The following MND1 variants were observed in gnomAD, a reference collection of about 807,000 sequenced individuals.
MND1 encodes the protein meiotic nuclear division protein 1 homolog.
MND1 carries 28 observed loss-of-function variants against 35.1 expected under a neutral mutation model. The observed-to-expected ratio is 0.80, with a 90% confidence interval of 0.59 to 1.09. The LOEUF (loss-of-function observed/expected upper bound fraction) is 1.09, where lower values mean the gene tolerates loss of function less well. Among genes scored for constraint, MND1 ranks in the 50% least tolerant of loss-of-function variants. MND1 has a pLI of 0.00. For missense variants in MND1, 213 were observed against 239.6 expected, an observed-to-expected ratio of 0.89 and a Z score of 0.73; for synonymous variants, 69 against 70.5, an observed-to-expected ratio of 0.98 and a Z score of 0.11.
In MND1 at chr4:153,377,835, T is replaced by C. The variant is rs954787658; in HGVS notation, c.277-16427T>C. Among the ~76,000 whole-genome samples, 6 of 152,328 alleles carry C rather than the reference T, an allele frequency of 3.9e-5. No individual in the cohort carries two copies. The South Asian group carries it at 8.3e-4, about 21-fold the overall frequency. On this transcript the variant is annotated intron_variant, in intron 4 of 7. Coordinates refer to ENST00000240488, the MANE Select transcript of MND1 (RefSeq NM_032117.4). Reference sequence around the variant, plus strand: ...CATGCTGTGCCTGGCTTTTTTCTTTTTCTTTATCTATAATGGACCAATTAT... The same window carrying C: ...CATGCTGTGCCTGGCTTTTTTCTTTCTCTTTATCTATAATGGACCAATTAT...
intron 4 of MND1, among the ~76,000 whole-genome samples, chr4:153,368,592 G>C (rs1217318340): frequency 1.3e-5 from 2 of 152,120 alleles, no homozygotes; most frequent in African/African-American, 4.8e-5. Context: ...TCTTTTCTGT[G>C]ATATGCATTA....
intron 4 of MND1, among the ~76,000 whole-genome samples, chr4:153,360,991 C>T (rs1476919267): frequency 6.6e-6 from 1 of 152,172 alleles, no homozygotes; most frequent in Non-Finnish European, 1.5e-5. Flanking sequence ...AGGCACACCA[C>T]CAAACTCTGC....
chr4:153,406,891 C>T (rs1273315362), intron 6 of MND1, among the ~76,000 whole-genome samples: 1 of 152,216 alleles, frequency 6.6e-6, no homozygotes, highest in Non-Finnish European at 1.5e-5. Flanking sequence ...GGAAACCTCA[C>T]AATCATGGTG....
chr4:153,393,865 T>G (rs565985602), intron 4 of MND1, among the ~76,000 whole-genome samples: 1 of 151,582 alleles, frequency 6.6e-6, no homozygotes, highest in Non-Finnish European at 1.5e-5. Context: ...TGATTCATGG[T>G]CCTTGGTTTT....
intron 6 of MND1, among the ~76,000 whole-genome samples, chr4:153,398,635 G>A (rs1229973141): frequency 6.6e-6 from 1 of 152,192 alleles, no homozygotes; most frequent in Non-Finnish European, 1.5e-5. Flanking sequence ...AGAGGTGGAG[G>A]CAGAAGAACT....
At chr4:153,392,731 A>G (rs78201091) in intron 4 of MND1, among the ~76,000 whole-genome samples, 2,601 of 152,314 alleles carry the variant, frequency 0.017, 52 homozygotes, top group East Asian at 0.076. Context: ...TTCAATATCT[A>G]TAGTCTCCTT....
chr4:153,367,987 T>C (rs1487214318), intron 4 of MND1, among the ~76,000 whole-genome samples: 1 of 152,212 alleles, frequency 6.6e-6, no homozygotes, highest in African/African-American at 2.4e-5. Flanking sequence ...CTTCCTTGAA[T>C]AAATTTTTAT....
chr4:153,381,115 G>A (rs1262120778), intron 4 of MND1, among the ~76,000 whole-genome samples: 1 of 152,076 alleles, frequency 6.6e-6, no homozygotes, highest in Non-Finnish European at 1.5e-5. Context: ...TAGCCAGGAT[G>A]GTTTCGATCT....
intron 4 of MND1, among the ~76,000 whole-genome samples, chr4:153,385,213 T>C (rs1728819298): frequency 6.6e-6 from 1 of 152,238 alleles, no homozygotes; most frequent in Non-Finnish European, 1.5e-5. Flanking sequence ...CTTTGTTGTA[T>C]GTCCCAAAAT....
At chr4:153,391,805 T>C (rs1484231203) in intron 4 of MND1, among the ~76,000 whole-genome samples, 1 of 151,666 alleles carries the variant, frequency 6.6e-6, no homozygotes, top group Admixed American at 6.6e-5. Context: ...GGAAGATAAT[T>C]ACTCGCAAGG....
chr4:153,387,308 ATATT>A (rs1323710621), intron 4 of MND1, among the ~76,000 whole-genome samples: 1 of 152,038 alleles, frequency 6.6e-6, no homozygotes, highest in African/African-American at 2.4e-5. Context: ...TAATTATGAC[ATATT>A]TATACCATGA....
At position 153,388,225 on chromosome 4, in the gene MND1, C is replaced by T. The variant is rs570271243; in HGVS notation, c.277-6037C>T. Among the ~76,000 whole-genome samples, 4 of 152,306 alleles carry T rather than the reference C, an allele frequency of 2.6e-5. No individual in the cohort carries two copies. The South Asian group carries it at 6.2e-4, about 24-fold the overall frequency. The stretch of plus-strand genomic sequence containing the variant: ...AAATCCTAGGCTGGGCGTGGTGGCT[C>T]ATGCCTGTAATTCCAGCACTTTGGG... On this transcript the variant is annotated intron_variant, in intron 4 of 7. Transcript: ENST00000240488.
intron 4 of MND1, among the ~76,000 whole-genome samples, chr4:153,370,891 G>A (rs1237891560): frequency 4.6e-5 from 7 of 151,982 alleles, no homozygotes; most frequent in African/African-American, 1.7e-4. Context: ...GCTCAGATCC[G>A]TCAGAGGAGT....
intron 5 of MND1, among the ~76,000 whole-genome samples, chr4:153,396,330 T>C (rs2149653992): frequency 6.6e-6 from 1 of 152,294 alleles, no homozygotes; most frequent in East Asian, 1.9e-4. Context: ...TGCTGCTCTG[T>C]ATATGAGTCT....
rs1014517804 is a variant in MND1, at chr4:153,398,045, G to A, written c.466+712G>A. Among the ~76,000 whole-genome samples the A allele has an allele frequency of 2.0e-5, 3 of 152,122 alleles. No individual in the cohort carries two copies. In the South Asian group the frequency reaches 6.2e-4, roughly 32 times the overall value. ...GAAAAATGATACCATAAGTAGAAGA[G>A]TTTGCAAGTTGCAGAAAATCAGTCT... is the stretch of plus-strand genomic sequence containing the variant. On this transcript the variant is annotated intron_variant, in intron 6 of 7. Transcript: ENST00000240488.
chr4:153,344,659 A>G (rs868468470), upstream of MND1: 2 of 1,364,336 alleles, frequency 1.5e-6, no homozygotes, highest in Middle Eastern at 3.7e-4. Flanking sequence ...AGTCGGCGCC[A>G]AAATCAAACG....
At chr4:153,381,692 ATTTTTTT>A (rs765943574) in intron 4 of MND1, 29 of 17,448 alleles carry the variant, frequency 1.7e-3, no homozygotes, top group African/African-American at 5.0e-3. Context: ...ATATATATAT[ATTTTTTT>A]TTTTTTTTTT....
At chr4:153,404,579 A>G (rs369296024) in intron 6 of MND1, among the ~76,000 whole-genome samples, 77 of 151,496 alleles carry the variant, frequency 5.1e-4, no homozygotes, top group African/African-American at 1.7e-3. Context: ...GGTTCAAGCA[A>G]TTCTCCTGCG....
At position 153,405,949 on chromosome 4, in the gene MND1, G is replaced by A. The variant is rs149661465; in HGVS notation, c.467-3022G>A. On this transcript the variant is annotated intron_variant, in intron 6 of 7. Transcript: ENST00000240488. ...CCTCCGAGTACCTGGGACTACAGGCGCCCACCACCACGCCAGGCTAATTTT... is the reference window on the plus strand; with the variant it reads ...CCTCCGAGTACCTGGGACTACAGGCACCCACCACCACGCCAGGCTAATTTT... 1.2e-4 allele frequency among the ~76,000 whole-genome samples: 18 copies of A among 151,984 alleles called. 1 individual carries two copies. The highest frequency in any genetic ancestry group is 3.9e-4 in the East Asian group (2 of 5,100).
Sources: allele counts gnomAD v4.1 joint callset (sites outside exome capture counted in the v4.1 genomes callset), GRCh38; gene constraint gnomAD v4.1.1; transcripts MANE v1.5; gene names NCBI Gene and HGNC (gene_info 2026-07-23, HGNC 2026-07-21).